The following KCNQ1OT1 variants were observed in gnomAD, a reference collection of about 807,000 sequenced individuals.
KCNQ1OT1 encodes the protein KCNQ1 opposite strand/antisense transcript 1.
chr11:2,692,752 G>T, exon 1 of KCNQ1OT1: 1 of 398,600 alleles, frequency 2.5e-6, no homozygotes. Context: ...CCTCCCTCTG[G>T]GCCAGGGTCT....
At position 2,690,782 on chromosome 11, in the gene KCNQ1OT1, A is replaced by G. The variant is rs1850575367; in HGVS notation, n.9213T>C. On this transcript the variant is annotated non_coding_transcript_exon_variant, in exon 1 of 1. Coordinates refer to ENST00000597346, the Ensembl canonical transcript of KCNQ1OT1. This position sits in a 1 kb window ranked among gnomAD's most constrained non-coding sequence, Gnocchi z 5.1. Reference sequence around the variant, plus strand: ...GGTGGATGTGGCCTGGCAGGGGGTCAGCAGGAGGGAGGTCCCTGTCTCCTT... The same window carrying G: ...GGTGGATGTGGCCTGGCAGGGGGTCGGCAGGAGGGAGGTCCCTGTCTCCTT... The G allele has an allele frequency of 1.0e-5, 4 of 398,676 alleles. No individual in the cohort carries two copies. The highest frequency in any genetic ancestry group is 1.8e-5 in the Non-Finnish European group (4 of 226,096). The allele number at this position is 398,676 out of a possible 1,614,324, so 24.7% of individuals were successfully genotyped here.
Position 2,677,619 on chromosome 11 carries a change from AC to A in KCNQ1OT1, n.22375del. ...CCCTCTGGATTTGTTTTTTTCTAAAACGTGTACATAATTGTAACTCTAACAA... is the reference window on the plus strand; with the variant it reads ...CCCTCTGGATTTGTTTTTTTCTAAAAGTGTACATAATTGTAACTCTAACAA... On this transcript the variant is annotated non_coding_transcript_exon_variant, in exon 1 of 1. Transcript: ENST00000597346. This position sits in a 1 kb window ranked among gnomAD's most constrained non-coding sequence, Gnocchi z 4.5. 1 of 398,650 alleles carries A rather than the reference AC, an allele frequency of 2.5e-6. No homozygotes were observed. 24.7% of individuals were successfully genotyped at this position (398,650 alleles called of 1,614,324 possible). A position where few individuals can be genotyped will look rare whatever the true frequency, so the allele number is the denominator to read the frequency against.
At position 2,699,360 on chromosome 11, in the gene KCNQ1OT1, C is replaced by T. The variant is rs529289620; in HGVS notation, n.635G>A. 2.0e-5 allele frequency: 8 copies of T among 399,298 alleles called. No individual in the cohort carries two copies. In the Admixed American group the frequency reaches 2.2e-4, roughly 11 times the overall value. 24.7% of individuals were successfully genotyped at this position (399,298 alleles called of 1,614,324 possible). Reference sequence around the variant, plus strand: ...ACGCCAGTGATCACCCGTCCCGCGCCGTCCGCCCAGGTCCGTGCTGACCGT... The same window carrying T: ...ACGCCAGTGATCACCCGTCCCGCGCTGTCCGCCCAGGTCCGTGCTGACCGT... On this transcript the variant is annotated non_coding_transcript_exon_variant, in exon 1 of 1. Coordinates refer to ENST00000597346, the Ensembl canonical transcript of KCNQ1OT1.
chr11:2,671,188 A>T lies in KCNQ1OT1; in HGVS notation n.28807T>A, dbSNP rs945715668. 7.5e-6 allele frequency: 3 copies of T among 398,540 alleles called. No individual in the cohort carries two copies. The allele number at this position is 398,540 out of a possible 1,614,324, so 24.7% of individuals were successfully genotyped here. ...AATAGGGCCTTGTTAGGAGAAAAGG[A>T]AAGAAAAATAAAAGGTAGAGAGACA... On this transcript the variant is annotated non_coding_transcript_exon_variant, in exon 1 of 1. Coordinates refer to ENST00000597346, the Ensembl canonical transcript of KCNQ1OT1. The surrounding 1 kb of genome is among the most constrained non-coding windows in gnomAD (Gnocchi z 4.7).
chr11:2,631,573 C>A (rs1364655870), exon 1 of KCNQ1OT1: 7 of 398,176 alleles, frequency 1.8e-5, no homozygotes, highest in Non-Finnish European at 2.7e-5. Context: ...TTAATGTATC[C>A]CAATTTCTTG....
Position 2,677,634 on chromosome 11 carries a change from T to TA in KCNQ1OT1, n.22360dup. ...TTTTTCTAAAACGTGTACATAATTG[T>TA]AACTCTAACAACTGTTATTGCATAT... On this transcript the variant is annotated non_coding_transcript_exon_variant, in exon 1 of 1. Transcript: ENST00000597346. This position sits in a 1 kb window ranked among gnomAD's most constrained non-coding sequence, Gnocchi z 4.5. 2.5e-6 allele frequency: 1 copy of TA among 398,650 alleles called. No individual in the cohort carries two copies. The highest frequency in any genetic ancestry group is 4.4e-6 in the Non-Finnish European group (1 of 226,070). 24.7% of individuals were successfully genotyped at this position (398,650 alleles called of 1,614,324 possible).
exon 1 of KCNQ1OT1, chr11:2,688,141 G>A: frequency 2.5e-6 from 1 of 398,804 alleles, no homozygotes; most frequent in Non-Finnish European, 4.4e-6. Context: ...GAGGTGGAGA[G>A]ACCCCACGCA....
At position 2,670,888 on chromosome 11, in the gene KCNQ1OT1, A is replaced by G. The variant is rs770965475; in HGVS notation, n.29107T>C. The G allele has an allele frequency of 2.5e-6, 1 of 398,622 alleles. No individual in the cohort carries two copies. The highest frequency in any genetic ancestry group is 4.4e-6 in the Non-Finnish European group (1 of 226,074). The allele number at this position is 398,622 out of a possible 1,614,324, so 24.7% of individuals were successfully genotyped here. ...AGTGGGCCACTGGGAAGCCTCCTGG[A>G]TTGCCTGGACAAGGCTGACCTGCCC... On this transcript the variant is annotated non_coding_transcript_exon_variant, in exon 1 of 1. Transcript: ENST00000597346. This position sits in a 1 kb window ranked among gnomAD's most constrained non-coding sequence, Gnocchi z 4.9.
rs571892728 is a variant in KCNQ1OT1, at chr11:2,628,990, T to A, written n.71005A>T. 1,999 of 398,356 alleles carry A rather than the reference T, an allele frequency of 5.0e-3. 9 individuals carry two copies. Among genetic ancestry groups the A allele is most frequent in the Non-Finnish European group, 7.4e-3 (1,669 of 225,904 alleles). 24.7% of individuals were successfully genotyped at this position (398,356 alleles called of 1,614,324 possible). On this transcript the variant is annotated non_coding_transcript_exon_variant, in exon 1 of 1. Coordinates refer to ENST00000597346, the Ensembl canonical transcript of KCNQ1OT1. ...TTGGTTTATTTCTATACCAGTACCA[T>A]AACTTTGAAATATAATTCAAAATAA...
In KCNQ1OT1 at chr11:2,668,324, T is replaced by C. The variant is rs1850120440; in HGVS notation, n.31671A>G. On this transcript the variant is annotated non_coding_transcript_exon_variant, in exon 1 of 1. Coordinates refer to ENST00000597346, the Ensembl canonical transcript of KCNQ1OT1. The surrounding 1 kb of genome is among the most constrained non-coding windows in gnomAD (Gnocchi z 4.3). ...TGCGTTTCTGGGGAATATATGCCTA[T>C]GTGTGGAGCTGCAGGGTCCTGGGTG... 7.5e-6 allele frequency: 3 copies of C among 398,540 alleles called. No individual in the cohort carries two copies. Among genetic ancestry groups the C allele is most frequent in the Non-Finnish European group, 1.3e-5 (3 of 226,096 alleles). 24.7% of individuals were successfully genotyped at this position (398,540 alleles called of 1,614,324 possible).
rs1849078456 is a variant in KCNQ1OT1, at chr11:2,617,053, A to G, written n.82942T>C. The stretch of plus-strand genomic sequence containing the variant: ...CATAGTGATGCAAATTAATATGTCC[A>G]TCATCTCACAGTTATTCTTTTGTGT... On this transcript the variant is annotated non_coding_transcript_exon_variant, in exon 1 of 1. Coordinates refer to ENST00000597346, the Ensembl canonical transcript of KCNQ1OT1. This position sits in a 1 kb window ranked among gnomAD's most constrained non-coding sequence, Gnocchi z 4.6. 3 of 398,070 alleles carry G rather than the reference A, an allele frequency of 7.5e-6. No individual in the cohort carries two copies. The highest frequency in any genetic ancestry group is 1.3e-5 in the Non-Finnish European group (3 of 225,830). 24.7% of individuals were successfully genotyped at this position (398,070 alleles called of 1,614,324 possible). A position where few individuals can be genotyped will look rare whatever the true frequency, so the allele number is the denominator to read the frequency against.
chr11:2,616,025 A>C lies in KCNQ1OT1; in HGVS notation n.83970T>G, dbSNP rs567778579. ...TTGGAAGGTTTTTGGTTACTGATTC[A>C]AACTTTCTACTTGTTATGGGTCTGC... On this transcript the variant is annotated non_coding_transcript_exon_variant, in exon 1 of 1. Coordinates refer to ENST00000597346, the Ensembl canonical transcript of KCNQ1OT1. 553 of 398,140 alleles carry C rather than the reference A, an allele frequency of 1.4e-3. 1 individual carries two copies. Among genetic ancestry groups the C allele is most frequent in the African/African-American group, 1.0e-2 (486 of 48,726 alleles). The allele number at this position is 398,140 out of a possible 1,614,324, so 24.7% of individuals were successfully genotyped here.
chr11:2,660,321 A>G (rs1590013390), exon 1 of KCNQ1OT1: 1 of 398,370 alleles, frequency 2.5e-6, no homozygotes, highest in East Asian at 3.6e-5. Flanking sequence ...CATACAACAC[A>G]TTCAAATAGT....
chr11:2,688,050 T>C (rs1000077278), exon 1 of KCNQ1OT1: 8 of 398,694 alleles, frequency 2.0e-5, no homozygotes, highest in East Asian at 3.6e-5. Context: ...TCCACTCAGC[T>C]GCAGCCATGG....
At chr11:2,643,215 T>C in exon 1 of KCNQ1OT1, 1 of 398,336 alleles carries the variant, frequency 2.5e-6, no homozygotes, top group Non-Finnish European at 4.4e-6. Context: ...TGTTTCTTTG[T>C]TAATTTTTTG....
chr11:2,659,905 A>G lies in KCNQ1OT1; in HGVS notation n.40090T>C. 2.5e-6 allele frequency: 1 copy of G among 398,316 alleles called. No individual in the cohort carries two copies. The highest frequency in any genetic ancestry group is 4.4e-6 in the Non-Finnish European group (1 of 225,974). The allele number at this position is 398,316 out of a possible 1,614,324, so 24.7% of individuals were successfully genotyped here. A position where few individuals can be genotyped will look rare whatever the true frequency, so the allele number is the denominator to read the frequency against. On this transcript the variant is annotated non_coding_transcript_exon_variant, in exon 1 of 1. Coordinates refer to ENST00000597346, the Ensembl canonical transcript of KCNQ1OT1. The surrounding 1 kb of genome is among the most constrained non-coding windows in gnomAD (Gnocchi z 4.3). Reference sequence around the variant, plus strand: ...AAATTGGATTGTTCACTTTATTGTCAAGTTGTAAGCATTCTTTATATATTC... The same window carrying G: ...AAATTGGATTGTTCACTTTATTGTCGAGTTGTAAGCATTCTTTATATATTC...
exon 1 of KCNQ1OT1, chr11:2,681,915 C>T (rs181326045): frequency 1.8e-5 from 7 of 398,614 alleles, no homozygotes; most frequent in Admixed American, 4.4e-5. Flanking sequence ...AATGAACACA[C>T]GTTTAGGCTG....
At chr11:2,697,838 T>C (rs1463545307) in exon 1 of KCNQ1OT1, 4 of 398,678 alleles carry the variant, frequency 1.0e-5, no homozygotes, top group Admixed American at 4.4e-5. Context: ...TTGTGCTTTC[T>C]ATCTGAATTT....
chr11:2,666,102 A>G, exon 1 of KCNQ1OT1: 1 of 398,650 alleles, frequency 2.5e-6, no homozygotes, highest in Non-Finnish European at 4.4e-6. Flanking sequence ...CAGCCCAGTC[A>G]TGTGGTTTCT....
Sources: allele counts gnomAD v4.1 joint callset, GRCh38; gene constraint gnomAD v4.1.1; non-coding constraint Gnocchi (gnomAD v3.1); transcripts MANE v1.5; gene names NCBI Gene and HGNC (gene_info 2026-07-23, HGNC 2026-07-21).